TENM1: variants seen among roughly 807,000 people sequenced by gnomAD.
The protein encoded by TENM1 is teneurin transmembrane protein 1.
In TENM1, 35 loss-of-function variants were observed where a neutral mutation model predicts 174.8. The ratio of observed to expected loss-of-function variants is 0.20; its 90% CI spans 0.15 to 0.27. TENM1 has a LOEUF of 0.27. Ranked by LOEUF, TENM1 falls within the 10% of genes least tolerant of loss-of-function variation. TENM1 has a pLI of 1.00. For synonymous variants in TENM1, 781 were observed against 798.7 expected (o/e 0.98, Z 0.37); for missense variants, 1,633 against 2,130.1 (o/e 0.77, Z 4.59).
At chrX:124,707,678 C>CT (rs2052943345) in intron 4 of TENM1, among the ~76,000 whole-genome samples, 1 of 111,984 alleles carries the variant, frequency 8.9e-6, no homozygotes, top group South Asian at 3.8e-4. Context: ...AAATCTCCAC[C>CT]TTTTTACAGG....
At chrX:124,773,187 T>A (rs1352322981) in intron 3 of TENM1, among the ~76,000 whole-genome samples, 1 of 111,788 alleles carries the variant, frequency 8.9e-6, no homozygotes, top group Non-Finnish European at 1.9e-5. Flanking sequence ...TGCCTAAGCA[T>A]GCCTGTGACC....
At chrX:124,400,641 A>G (rs2060388440) in intron 27 of TENM1, among the ~76,000 whole-genome samples, 1 of 112,184 alleles carries the variant, frequency 8.9e-6, no homozygotes, top group Non-Finnish European at 1.9e-5. Context: ...CTATAACCTT[A>G]CAACTCAGTC....
chrX:124,386,703 G>T (rs946738620), intron 28 of TENM1, among the ~76,000 whole-genome samples: 2 of 110,301 alleles, frequency 1.8e-5, no homozygotes, highest in Admixed American at 1.9e-4. Flanking sequence ...GGGAGTCATC[G>T]AAGGGTTTCT....
At chrX:125,108,172 T>C in the TENM1 span, among the ~76,000 whole-genome samples, 1 of 111,456 alleles carries the variant, frequency 9.0e-6, no homozygotes, top group Non-Finnish European at 1.9e-5. Context: ...CCAAACAAGT[T>C]ACCAGGCCAC....
chrX:124,971,539 C>T, the TENM1 span, among the ~76,000 whole-genome samples: 4 of 111,784 alleles, frequency 3.6e-5, no homozygotes, highest in South Asian at 3.7e-4. Flanking sequence ...TATTTACACT[C>T]CTCCCTCACC....
chrX:124,492,051 T>A (rs1402823792), intron 20 of TENM1, among the ~76,000 whole-genome samples: 1 of 111,951 alleles, frequency 8.9e-6, no homozygotes, highest in Admixed American at 9.5e-5. Flanking sequence ...GGAAGAGAAC[T>A]ACTAGAGAAC....
chrX:124,494,114 C>T (rs2047130806), intron 20 of TENM1, among the ~76,000 whole-genome samples: 1 of 110,913 alleles, frequency 9.0e-6, no homozygotes, highest in Admixed American at 9.6e-5. Context: ...TGAGAAATGC[C>T]CTTTGGACTT....
intron 1 of TENM1, among the ~76,000 whole-genome samples, chrX:124,954,403 C>T (rs1262903745): frequency 8.9e-6 from 1 of 111,943 alleles, no homozygotes; most frequent in Non-Finnish European, 1.9e-5. Flanking sequence ...TTCCCTTCTC[C>T]AATACTGGGT....
chrX:124,405,105 C>T, exon 27 of TENM1: 1 of 1,211,859 alleles, frequency 8.3e-7, no homozygotes. Flanking sequence ...ATGAGGTTTG[C>T]ATTGTGCTCT....
intron 15 of TENM1, among the ~76,000 whole-genome samples, chrX:124,544,168 T>C (rs189674234): frequency 8.9e-6 from 1 of 112,802 alleles, no homozygotes; most frequent in Admixed American, 9.3e-5. Context: ...GGCACATAAG[T>C]GTCCTAGATC....
chrX:124,964,153 TA>T (rs1481347566), upstream of TENM1, among the ~76,000 whole-genome samples: 2 of 112,385 alleles, frequency 1.8e-5, no homozygotes, highest in Non-Finnish European at 3.8e-5. Flanking sequence ...GTGGTTAGAT[TA>T]AAAAACGTTA....
chrX:124,523,275 C>A, intron 17 of TENM1, 89 bp downstream of exon 20: 2 of 980,192 alleles, frequency 2.0e-6, no homozygotes. Context: ...AGGATGGTAA[C>A]AAGAATAGGA....
At chrX:125,193,958 T>G in the TENM1 span, among the ~76,000 whole-genome samples, 1 of 110,522 alleles carries the variant, frequency 9.0e-6, no homozygotes, top group Non-Finnish European at 1.9e-5. Flanking sequence ...TTAATTTTTT[T>G]TTTAAAAAAG....
Position 124,425,995 on chromosome X carries a change from GGTGTGTGTGTGTGTGTGT to G in TENM1, c.4105-3375_4105-3358del, listed in dbSNP as rs200141105. ...TTAAAGAGTTGGAAGCAAAAGGACT[GGTGTGTGTGTGTGTGTGT>G]GTGTGTGTGTGTGTGTGTGTGTGTG... On this transcript the variant is annotated intron_variant, in intron 23 of 31. Coordinates refer to ENST00000422452, the Ensembl canonical transcript of TENM1. 5.9e-3 allele frequency among the ~76,000 whole-genome samples: 519 copies of G among 88,007 alleles called. 6 individuals are homozygous for G. The East Asian group carries it at 0.068, about 12-fold the overall frequency. The allele number at this position is 88,007 out of a possible 115,157, so 76.4% of individuals were successfully genotyped here.
At chrX:124,777,883 G>A (rs1303052349) in intron 3 of TENM1, among the ~76,000 whole-genome samples, 1 of 112,630 alleles carries the variant, frequency 8.9e-6, no homozygotes, top group Admixed American at 9.4e-5. Flanking sequence ...AGGTCATATA[G>A]TCTCTGTGGC....
At chrX:124,649,462 A>G (rs1032753311) in intron 8 of TENM1, among the ~76,000 whole-genome samples, 12 of 112,630 alleles carry the variant, frequency 1.1e-4, no homozygotes, top group African/African-American at 3.2e-4. Context: ...TCAAGCCTCC[A>G]TTCAGTTATT....
At chrX:124,909,079 G>A (rs1465010280) in intron 1 of TENM1, among the ~76,000 whole-genome samples, 2 of 111,817 alleles carry the variant, frequency 1.8e-5, no homozygotes, top group Admixed American at 1.9e-4. Flanking sequence ...GGCTGGTCTC[G>A]AACTCCTGAC....
chrX:125,089,937 C>T, the TENM1 span, among the ~76,000 whole-genome samples: 1 of 111,428 alleles, frequency 9.0e-6, no homozygotes, highest in South Asian at 3.8e-4. Context: ...CTGTGTGTGT[C>T]AAGTGTTCCA....
Position 124,917,431 on chromosome X carries a change from T to C in TENM1, c.218-21190A>G, listed in dbSNP as rs942661793. ...GTGGCCTAGAGATGAATTAGCAAAG[T>C]ATCTTCAGGATCAGGTCTCTGCTAA... On this transcript the variant is annotated intron_variant, in intron 1 of 31. Transcript: ENST00000422452. Among the ~76,000 whole-genome samples, 3 of 111,990 alleles carry C rather than the reference T, an allele frequency of 2.7e-5. No individual in the cohort carries two copies. In the Admixed American group the frequency reaches 2.8e-4, roughly 11 times the overall value.
Sources: allele counts gnomAD v4.1 joint callset (sites outside exome capture counted in the v4.1 genomes callset), GRCh38; gene constraint gnomAD v4.1.1; transcripts MANE v1.5; gene names NCBI Gene and HGNC (gene_info 2026-07-23, HGNC 2026-07-21).